PDGFA: variants seen among roughly 807,000 people sequenced by gnomAD.
The protein encoded by PDGFA is platelet-derived growth factor subunit A.
PDGFA carries 9 observed loss-of-function variants against 25.6 expected under a neutral mutation model. The observed-to-expected ratio is 0.35, with a 90% confidence interval of 0.21 to 0.61. The LOEUF is 0.61. PDGFA is among the 20% of genes least tolerant of loss of function. The pLI is 0.75. For synonymous variants in PDGFA, 133 were observed against 111.8 expected, an observed-to-expected ratio of 1.19 and a Z score of -1.20; for missense variants, 242 against 272.8, an observed-to-expected ratio of 0.89 and a Z score of 0.79.
chr7:518,372 G>T (rs965392727), intron 1 of PDGFA: 6 of 152,776 alleles, frequency 3.9e-5, no homozygotes, highest in South Asian at 2.1e-4. Context: ...GCCGCGGTGG[G>T]AGGGTGCGGA....
chr7:505,426 C>A (rs1338180336), intron 4 of PDGFA, among the ~76,000 whole-genome samples: 3 of 152,226 alleles, frequency 2.0e-5, no homozygotes, highest in Non-Finnish European at 2.9e-5. Context: ...GATGCCGTCA[C>A]CCCTCTAGAC....
At chr7:520,442 A>T (rs957275890), upstream of PDGFA, 1 of 157,092 alleles carries the variant, frequency 6.4e-6, no homozygotes, top group African/African-American at 2.4e-5. Context: ...GGCCTGGGGC[A>T]TCTGAATGAG....
chr7:505,302 G>T (rs1782512906), intron 4 of PDGFA, among the ~76,000 whole-genome samples: 1 of 152,158 alleles, frequency 6.6e-6, no homozygotes, highest in South Asian at 2.1e-4. Flanking sequence ...CAGAGATGTG[G>T]GCTGCACCTT....
rs1243203582 is a variant in PDGFA, at chr7:510,988, C to G, written c.274G>C (p.Val92Leu). Residue 92 changes from valine (V) to leucine (L), a missense_variant, in exon 4 of 6, where the codon GTC becomes CTC. Val to Leu is a conservative substitution (Grantham distance 32). Around this residue, in one of 5 missense-constraint regions of PDGFA, gnomAD observed 55 missense variants for 88.2 expected, o/e 0.62. Coordinates refer to ENST00000402802, the Ensembl canonical transcript of PDGFA. Reference sequence around the variant, plus strand: ...GTCCTGGTCTTGCAGACAGCGGGGACAGCTTCCTCTGCAACGGCGGGGGCA... The same window carrying G: ...GTCCTGGTCTTGCAGACAGCGGGGAGAGCTTCCTCTGCAACGGCGGGGGCA... 1.9e-6 allele frequency: 3 copies of G among 1,612,210 alleles called. No individual in the cohort carries two copies. In the South Asian group the frequency reaches 3.3e-5, roughly 18 times the overall value.
chr7:502,801 CACACACACAT>C lies in PDGFA; in HGVS notation c.454-1569_454-1560del, dbSNP rs1450981232. Among the ~76,000 whole-genome samples the C allele has an allele frequency of 1.9e-4, 29 of 148,810 alleles. 1 individual carries two copies. The highest frequency in any genetic ancestry group is 1.6e-3 in the South Asian group (7 of 4,458). ...ACACACACACACACACACACACACA[CACACACACAT>C]AATGCACATATAGGCCCTGTCACGG... On this transcript the variant is annotated intron_variant, in intron 4 of 5. Coordinates refer to ENST00000402802, the Ensembl canonical transcript of PDGFA.
chr7:498,647 T>C (rs35782510), intron 5 of PDGFA, 73 bp from the exon 6 acceptor site: 495,809 of 1,425,650 alleles, frequency 0.35, 89,534 homozygotes, highest in Middle Eastern at 0.47. Flanking sequence ...CATGGCTGCA[T>C]AGGAGGAAAA....
intron 5 of PDGFA, 32 bp downstream of exon 5, chr7:501,084 C>A: frequency 4.3e-6 from 7 of 1,614,146 alleles, no homozygotes; most frequent in Non-Finnish European, 5.9e-6. Flanking sequence ...ACCTGTTCTC[C>A]AACACCGATG....
At position 503,771 on chromosome 7, in the gene PDGFA, G is replaced by A. The variant is rs187811776; in HGVS notation, c.454-2529C>T. Among the ~76,000 whole-genome samples the A allele has an allele frequency of 6.2e-3, 947 of 152,330 alleles. 5 individuals carry two copies. The highest frequency in any genetic ancestry group is 9.1e-3 in the Non-Finnish European group (620 of 68,020). ...TGAAGTGGTCTGGGCTGCCTGGGGC[G>A]TGAGCAGACAGCCAAGTATGAGCTC... On this transcript the variant is annotated intron_variant, in intron 4 of 5. Coordinates refer to ENST00000402802, the Ensembl canonical transcript of PDGFA.
At chr7:501,671 C>T (rs1288799541) in intron 4 of PDGFA, among the ~76,000 whole-genome samples, 3 of 152,150 alleles carry the variant, frequency 2.0e-5, no homozygotes, top group African/African-American at 7.2e-5. Flanking sequence ...GATCCTCCTG[C>T]CTCAGCCTCC....
chr7:512,682 G>A (rs1203010315), intron 2 of PDGFA: 24 of 1,468,584 alleles, frequency 1.6e-5, no homozygotes, highest in African/African-American at 2.8e-5. Context: ...CGCAGAAAAC[G>A]CCCCGTTAGC....
intron 5 of PDGFA, among the ~76,000 whole-genome samples, chr7:499,282 C>T (rs1402517058): frequency 6.6e-6 from 1 of 152,248 alleles, no homozygotes. Flanking sequence ...TCCTGGACTG[C>T]TTCAAAGACC....
At position 517,534 on chromosome 7, in the gene PDGFA, C is replaced by G. The variant is rs1275733221; in HGVS notation, c.64-44G>C. The G allele has an allele frequency of 1.1e-6, 1 of 911,046 alleles. No individual in the cohort carries two copies. Among genetic ancestry groups the G allele is most frequent in the African/African-American group, 1.8e-5 (1 of 55,142 alleles). 56.4% of individuals were successfully genotyped at this position (911,046 alleles called of 1,614,324 possible). On this transcript the variant is annotated intron_variant, in intron 1 of 5. Transcript: ENST00000402802. The surrounding 1 kb of genome is among the most constrained non-coding windows in gnomAD (Gnocchi z 7.4). ...CGGTCAGCGCCCGCGGCCCCGACCC[C>G]GCCGGCACGCGCCCCCGGCCGCCAG...
In PDGFA at chr7:517,096, G is replaced by A. The variant is rs1783140142; in HGVS notation, c.160+298C>T. Reference sequence around the variant, plus strand: ...CTGCCGCTCCCCCGGCCCGAGGGCAGGCGCGGGGCCCGCACACCTGGCGGA... The same window carrying A: ...CTGCCGCTCCCCCGGCCCGAGGGCAAGCGCGGGGCCCGCACACCTGGCGGA... On this transcript the variant is annotated intron_variant, in intron 2 of 5. Coordinates refer to ENST00000402802, the Ensembl canonical transcript of PDGFA. The surrounding 1 kb of genome is among the most constrained non-coding windows in gnomAD (Gnocchi z 7.4). Among the ~76,000 whole-genome samples the A allele has an allele frequency of 1.3e-5, 2 of 151,586 alleles. No homozygotes were observed. Among genetic ancestry groups the A allele is most frequent in the African/African-American group, 4.8e-5 (2 of 41,490 alleles).
chr7:501,833 G>A (rs1034621208), intron 4 of PDGFA, among the ~76,000 whole-genome samples: 4 of 152,198 alleles, frequency 2.6e-5, no homozygotes, highest in Non-Finnish European at 5.9e-5. Context: ...GTGGAAGTTT[G>A]GGAGTTCTGG....
intron 4 of PDGFA, among the ~76,000 whole-genome samples, chr7:506,709 G>A (rs1354972318): frequency 6.6e-6 from 1 of 152,226 alleles, no homozygotes; most frequent in African/African-American, 2.4e-5. Context: ...CGGGCGTCCA[G>A]GCACCAAGAG....
exon 1 of PDGFA, chr7:518,981 C>A: frequency 6.5e-7 from 1 of 1,541,770 alleles, no homozygotes; most frequent in Non-Finnish European, 8.7e-7. Context: ...CGAGGAGCAG[C>A]AGGCAAGCCA....
rs1205409694 is a variant in PDGFA at position 517,157 on chromosome 7, T to C, written c.160+237A>G. 2.0e-5 allele frequency among the ~76,000 whole-genome samples: 3 copies of C among 151,648 alleles called. No individual in the cohort carries two copies. The highest frequency in any genetic ancestry group is 2.0e-4 in the Admixed American group (3 of 15,234). Reference sequence around the variant, plus strand: ...GAACTTTGTGTGACACACGCGGCGTTTTCCTTAAAGGCGAAAACAATCCCG... The same window carrying C: ...GAACTTTGTGTGACACACGCGGCGTCTTCCTTAAAGGCGAAAACAATCCCG... On this transcript the variant is annotated intron_variant, in intron 2 of 5. Coordinates refer to ENST00000402802, the Ensembl canonical transcript of PDGFA. The surrounding 1 kb of genome is among the most constrained non-coding windows in gnomAD (Gnocchi z 7.4).
chr7:517,087 C>G lies in PDGFA; in HGVS notation c.160+307G>C, dbSNP rs905255952. Reference sequence around the variant, plus strand: ...GGCCGGATCCTGCCGCTCCCCCGGCCCGAGGGCAGGCGCGGGGCCCGCACA... The same window carrying G: ...GGCCGGATCCTGCCGCTCCCCCGGCGCGAGGGCAGGCGCGGGGCCCGCACA... On this transcript the variant is annotated intron_variant, in intron 2 of 5. Transcript: ENST00000402802. This position sits in a 1 kb window ranked among gnomAD's most constrained non-coding sequence, Gnocchi z 7.4. Among the ~76,000 whole-genome samples, 1 of 151,548 alleles carries G rather than the reference C, an allele frequency of 6.6e-6. No homozygotes were observed. The highest frequency in any genetic ancestry group is 1.5e-5 in the Non-Finnish European group (1 of 67,826).
intron 4 of PDGFA, among the ~76,000 whole-genome samples, chr7:508,657 C>CGTT (rs1358014705): frequency 1.3e-4 from 19 of 150,286 alleles, no homozygotes; most frequent in Non-Finnish European, 2.2e-4. Flanking sequence ...GGGCCGCACC[C>CGTT]GCCTGTGCCC....
Sources: gnomAD v4.1 joint callset for allele counts (sites outside exome capture counted in the v4.1 genomes callset) on GRCh38, gnomAD v4.1.1 for gene constraint, gnomAD v4.1.1 regional missense constraint, Gnocchi (gnomAD v3.1) non-coding constraint, MANE v1.5 for transcripts, NCBI Gene and HGNC (gene_info 2026-07-23, HGNC 2026-07-21) for gene names.